CSMD1: variants seen among roughly 807,000 people sequenced by gnomAD.
CSMD1 encodes CUB and Sushi multiple domains 1, also known as CUB and sushi domain-containing protein 1.
Under a neutral mutation model 417.5 loss-of-function variants are expected in CSMD1, and 213 were observed. That is an observed-to-expected ratio of 0.51 (90% CI 0.46 to 0.57). The LOEUF (loss-of-function observed/expected upper bound fraction) is 0.57, where lower values mean the gene tolerates loss of function less well. CSMD1 is among the 20% of genes least tolerant of loss of function. CSMD1 has a pLI of 0.00. For synonymous variants in CSMD1, 2,862 were observed against 1,736.8 expected, an observed-to-expected ratio of 1.65 and a Z score of -16.11; for missense variants, 6,923 against 4,529.7, an observed-to-expected ratio of 1.53 and a Z score of -15.17.
At chr8:3,189,591 T>C (rs1490844494) in intron 34 of CSMD1, among the ~76,000 whole-genome samples, 1 of 152,160 alleles carries the variant, frequency 6.6e-6, no homozygotes, top group Non-Finnish European at 1.5e-5. Context: ...GTTACACAAG[T>C]AATATAGCAA....
chr8:3,665,403 C>G (rs1798634779), intron 7 of CSMD1, among the ~76,000 whole-genome samples: 1 of 152,048 alleles, frequency 6.6e-6, no homozygotes, highest in Non-Finnish European at 1.5e-5. Flanking sequence ...GTGGCATGCA[C>G]CAGTAATACC....
At chr8:4,047,329 G>A (rs959869648) in intron 3 of CSMD1, among the ~76,000 whole-genome samples, 1 of 152,128 alleles carries the variant, frequency 6.6e-6, no homozygotes, top group Non-Finnish European at 1.5e-5. Context: ...AAAACAAAAT[G>A]ATCTTCTACC....
At position 3,857,075 on chromosome 8, in the gene CSMD1, A is replaced by AT. The variant is rs554818499; in HGVS notation, c.819-103034_819-103033insA. On this transcript the variant is annotated intron_variant, in intron 5 of 69. Coordinates refer to ENST00000635120, the MANE Select transcript of CSMD1 (RefSeq NM_033225.6). ...ATATCCCACACTTACTTCAGGAAAA[A>AT]AAAAATTAAAAATGACTAAGACACA... 3.7e-3 allele frequency among the ~76,000 whole-genome samples: 560 copies of AT among 152,306 alleles called. 3 individuals carry two copies. Among genetic ancestry groups the AT allele is most frequent in the African/African-American group, 7.4e-3 (306 of 41,574 alleles).
At chr8:3,450,288 C>T (rs945950768) in intron 12 of CSMD1, among the ~76,000 whole-genome samples, 7 of 151,340 alleles carry the variant, frequency 4.6e-5, no homozygotes, top group African/African-American at 1.7e-4. Context: ...TACCCATACA[C>T]ATGGTTGCAT....
intron 45 of CSMD1, chr8:3,106,908 T>C: frequency 3.2e-6 from 1 of 317,046 alleles, no homozygotes; most frequent in Admixed American, 4.9e-5. Context: ...TTGGTTTCCC[T>C]TCCCCAGTGA....
At chr8:3,889,452 CATATATATATATATATATATATAT>C (rs1171842639) in intron 5 of CSMD1, among the ~76,000 whole-genome samples, 3 of 45,376 alleles carry the variant, frequency 6.6e-5, no homozygotes, top group Admixed American at 3.1e-4. Context: ...CTGATCTTTC[CATATATATATATATATATATATAT>C]ATATATATAT....
intron 26 of CSMD1, among the ~76,000 whole-genome samples, chr8:3,232,522 C>G (rs1024098094): frequency 3.3e-5 from 5 of 152,128 alleles, no homozygotes; most frequent in African/African-American, 9.7e-5. Context: ...TCTTTTTACC[C>G]TTATATAAAA....
In CSMD1 at chr8:4,870,531, C is replaced by T. The variant is rs187272474; in HGVS notation, c.85+123801G>A. Among the ~76,000 whole-genome samples, 203 of 152,202 alleles carry T rather than the reference C, an allele frequency of 1.3e-3. 1 individual carries two copies. The highest frequency in any genetic ancestry group is 7.4e-3 in the Admixed American group (113 of 15,296). On this transcript the variant is annotated intron_variant, in intron 1 of 69. Coordinates refer to ENST00000635120, the MANE Select transcript of CSMD1 (RefSeq NM_033225.6). ...ACATGCAACTTGGCCAAGGAGTCTG[C>T]ATACATTCCTCTTCTCGTGTGTCAG...
At chr8:4,322,634 GA>G (rs1799335144) in intron 3 of CSMD1, among the ~76,000 whole-genome samples, 3 of 152,102 alleles carry the variant, frequency 2.0e-5, no homozygotes, top group Non-Finnish European at 4.4e-5. Context: ...ACATATTTGA[GA>G]AAAATCTAAG....
intron 6 of CSMD1, among the ~76,000 whole-genome samples, chr8:3,709,603 A>T (rs1801379828): frequency 6.6e-6 from 1 of 150,506 alleles, no homozygotes; most frequent in African/African-American, 2.4e-5. Context: ...TGAAGGCCCA[A>T]ATAGAACAAA....
chr8:4,120,373 G>A (rs984686135), intron 3 of CSMD1, among the ~76,000 whole-genome samples: 2 of 152,128 alleles, frequency 1.3e-5, no homozygotes, highest in African/African-American at 4.8e-5. Flanking sequence ...TTCTTACTTA[G>A]ACTAATGCCA....
intron 12 of CSMD1, among the ~76,000 whole-genome samples, chr8:3,465,514 G>A (rs1346993681): frequency 1.3e-5 from 2 of 152,132 alleles, no homozygotes; most frequent in South Asian, 4.1e-4. Context: ...AGGGGGTAGT[G>A]GGGGTGCCAG....
intron 1 of CSMD1, among the ~76,000 whole-genome samples, chr8:4,649,583 A>C (rs1803754114): frequency 6.6e-6 from 1 of 152,244 alleles, no homozygotes; most frequent in South Asian, 2.1e-4. Context: ...TCATTTTCTG[A>C]AAAGAATGTG....
intron 1 of CSMD1, among the ~76,000 whole-genome samples, chr8:4,641,035 T>G (rs888135887): frequency 6.6e-6 from 1 of 151,450 alleles, no homozygotes; most frequent in East Asian, 2.0e-4. Flanking sequence ...CAATTTCAAT[T>G]TCGATTTCAA....
At chr8:3,691,831 G>A (rs1261598738) in intron 7 of CSMD1, among the ~76,000 whole-genome samples, 2 of 152,140 alleles carry the variant, frequency 1.3e-5, no homozygotes, top group African/African-American at 4.8e-5. Flanking sequence ...AAAATATGAT[G>A]AAAGAGAGTC....
intron 3 of CSMD1, among the ~76,000 whole-genome samples, chr8:4,200,955 G>A (rs1799610876): frequency 6.6e-6 from 1 of 152,092 alleles, no homozygotes; most frequent in Admixed American, 6.5e-5. Flanking sequence ...ATAACTAAAT[G>A]TCAGAAAGTT....
At chr8:3,751,742 T>C (rs1340374057) in intron 6 of CSMD1, among the ~76,000 whole-genome samples, 1 of 152,080 alleles carries the variant, frequency 6.6e-6, no homozygotes, top group Non-Finnish European at 1.5e-5. Context: ...GCTTCAAAGT[T>C]GATATTCCAT....
intron 5 of CSMD1, among the ~76,000 whole-genome samples, chr8:3,903,191 T>C (rs1465859479): frequency 6.6e-6 from 1 of 152,110 alleles, no homozygotes; most frequent in African/African-American, 2.4e-5. Flanking sequence ...GTGTTCTTCT[T>C]ACCCTTCAGT....
At chr8:3,116,452 C>G (rs989392979) in intron 42 of CSMD1, among the ~76,000 whole-genome samples, 5 of 152,236 alleles carry the variant, frequency 3.3e-5, no homozygotes, top group East Asian at 1.9e-4. Flanking sequence ...ACCATAATGA[C>G]AAGCATGATA....
Sources: gnomAD v4.1 joint callset for allele counts (sites outside exome capture counted in the v4.1 genomes callset) on GRCh38, gnomAD v4.1.1 for gene constraint, MANE v1.5 for transcripts, NCBI Gene and HGNC (gene_info 2026-07-23, HGNC 2026-07-21) for gene names.